Variants in PDE4B observed in about 807,000 individuals in gnomAD.
PDE4B encodes 3',5'-cyclic-AMP phosphodiesterase 4B.
Under a neutral mutation model 82.2 loss-of-function variants are expected in PDE4B, and 20 were observed. That is an observed-to-expected ratio of 0.24 (90% confidence interval 0.17 to 0.35). PDE4B has a LOEUF of 0.35. Among genes scored for constraint, PDE4B ranks in the 10% least tolerant of loss-of-function variants. PDE4B has a pLI of 1.00. For synonymous variants in PDE4B, 320 were observed against 318.9 expected (o/e 1.00, Z -0.04); for missense variants, 655 against 907.2 (o/e 0.72, Z 3.57).
intron 1 of PDE4B, among the ~76,000 whole-genome samples, chr1:65,887,380 CCTTCCTT>C (rs1241499129): frequency 1.8e-5 from 1 of 54,736 alleles, no homozygotes; most frequent in African/African-American, 7.8e-5. Flanking sequence ...TCCCTTCCTT[CCTTCCTT>C]CTTTTCTTTC....
intron 3 of PDE4B, among the ~76,000 whole-genome samples, chr1:66,081,791 G>A (rs1656741810): frequency 1.3e-5 from 2 of 149,600 alleles, no homozygotes; most frequent in Admixed American, 1.4e-4. Context: ...CATTCTACAC[G>A]GGAGTGAAAA....
At chr1:66,108,645 C>G (rs1219065362) in intron 3 of PDE4B, among the ~76,000 whole-genome samples, 1 of 151,206 alleles carries the variant, frequency 6.6e-6, no homozygotes, top group Non-Finnish European at 1.5e-5. Flanking sequence ...CTTGAAAAGA[C>G]ATACGAATGG....
rs1477965484 is a variant in PDE4B at position 66,201,953 on chromosome 1, A to G, written c.282-45507A>G. On this transcript the variant is annotated intron_variant, in intron 3 of 16. Coordinates refer to ENST00000341517, the MANE Select transcript of PDE4B (RefSeq NM_002600.4). ...ATTGTGATGTTGGGGTGTCAATTTT[A>G]GATCTTTCCTGCTTTCTCTTGTGGG... 3.9e-5 allele frequency among the ~76,000 whole-genome samples: 6 copies of G among 152,134 alleles called. No individual in the cohort carries two copies. In the East Asian group the frequency reaches 5.8e-4, roughly 15 times the overall value.
At chr1:65,968,576 C>T (rs1649974029) in intron 3 of PDE4B, among the ~76,000 whole-genome samples, 2 of 151,948 alleles carry the variant, frequency 1.3e-5, no homozygotes, top group Non-Finnish European at 2.9e-5. Context: ...AATTGCTTGT[C>T]ATCATAGAGT....
chr1:66,023,844 T>C (rs561730607), intron 3 of PDE4B, among the ~76,000 whole-genome samples: 8 of 149,256 alleles, frequency 5.4e-5, no homozygotes, highest in Non-Finnish European at 7.4e-5. Context: ...GGTAGGGTTA[T>C]TTAGGGCACT....
intron 3 of PDE4B, among the ~76,000 whole-genome samples, chr1:66,224,668 G>A (rs1323058903): frequency 3.3e-5 from 5 of 152,146 alleles, no homozygotes; most frequent in African/African-American, 7.2e-5. Context: ...GCAGTGAGCC[G>A]AGATTGTGCC....
At chr1:65,860,550 G>T (rs1262744218) in intron 1 of PDE4B, among the ~76,000 whole-genome samples, 1 of 152,118 alleles carries the variant, frequency 6.6e-6, no homozygotes, top group Non-Finnish European at 1.5e-5. Flanking sequence ...ATAATCCTTT[G>T]GGTATATACC....
chr1:66,301,339 C>G (rs910748749), intron 7 of PDE4B, among the ~76,000 whole-genome samples: 1 of 152,102 alleles, frequency 6.6e-6, no homozygotes, highest in African/African-American at 2.4e-5. Flanking sequence ...GCCTTGGAGG[C>G]TGAGTCAGAG....
intron 3 of PDE4B, among the ~76,000 whole-genome samples, chr1:65,975,352 T>C (rs1170974979): frequency 6.6e-6 from 1 of 152,202 alleles, no homozygotes; most frequent in Non-Finnish European, 1.5e-5. Context: ...TTTCTAAAAG[T>C]GTATGCTCAT....
intron 1 of PDE4B, among the ~76,000 whole-genome samples, chr1:65,813,341 A>G (rs954450037): frequency 6.6e-6 from 1 of 152,328 alleles, no homozygotes; most frequent in South Asian, 2.1e-4. Flanking sequence ...GGGGGAATTG[A>G]ATTGCCATTC....
At chr1:65,903,033 A>G (rs562155059) in intron 1 of PDE4B, among the ~76,000 whole-genome samples, 1 of 152,310 alleles carries the variant, frequency 6.6e-6, no homozygotes, top group South Asian at 2.1e-4. Flanking sequence ...TGGTATGGCA[A>G]ACATTACAAA....
At chr1:66,353,762 C>A (rs537671487) in intron 8 of PDE4B, among the ~76,000 whole-genome samples, 30 of 152,166 alleles carry the variant, frequency 2.0e-4, no homozygotes, top group Admixed American at 1.8e-3. Flanking sequence ...TCTCAACATG[C>A]CCTGGATTGC....
chr1:66,267,846 T>C (rs1033665496), intron 7 of PDE4B, among the ~76,000 whole-genome samples: 4 of 152,228 alleles, frequency 2.6e-5, no homozygotes, highest in African/African-American at 9.6e-5. Context: ...TGTTTTGTTC[T>C]TATTATCAGC....
intron 1 of PDE4B, among the ~76,000 whole-genome samples, chr1:65,831,737 C>T (rs564118909): frequency 6.6e-6 from 1 of 152,060 alleles, no homozygotes; most frequent in Non-Finnish European, 1.5e-5. Flanking sequence ...ATGGATATCT[C>T]CCAGGAACAT....
At chr1:66,012,340 G>A (rs1652532282) in intron 3 of PDE4B, among the ~76,000 whole-genome samples, 1 of 152,128 alleles carries the variant, frequency 6.6e-6, no homozygotes, top group African/African-American at 2.4e-5. Context: ...TTTCACATTT[G>A]TAATGCAGCT....
intron 3 of PDE4B, among the ~76,000 whole-genome samples, chr1:66,235,436 A>G (rs1021409727): frequency 3.3e-5 from 5 of 152,190 alleles, no homozygotes; most frequent in Non-Finnish European, 7.3e-5. Context: ...CTCTTTTATC[A>G]TTATGAAATC....
chr1:66,240,879 G>A (rs116104505), intron 3 of PDE4B, among the ~76,000 whole-genome samples: 9 of 152,148 alleles, frequency 5.9e-5, no homozygotes, highest in African/African-American at 2.2e-4. Flanking sequence ...ACTGAGGTGT[G>A]GGGGGCAGGA....
chr1:65,805,792 G>T (rs1315516639), intron 1 of PDE4B, among the ~76,000 whole-genome samples: 2 of 152,110 alleles, frequency 1.3e-5, no homozygotes, highest in Non-Finnish European at 2.9e-5. Flanking sequence ...TTCCATGTCT[G>T]TTGGCTGTCA....
At chr1:65,862,680 G>A (rs1317660930) in intron 1 of PDE4B, among the ~76,000 whole-genome samples, 1 of 151,998 alleles carries the variant, frequency 6.6e-6, no homozygotes, top group African/African-American at 2.4e-5. Flanking sequence ...GTCTGGTCCT[G>A]GACCTTTTTT....
Sources: allele counts gnomAD v4.1 joint callset (sites outside exome capture counted in the v4.1 genomes callset), GRCh38; gene constraint gnomAD v4.1.1; transcripts MANE v1.5; gene names NCBI Gene and HGNC (gene_info 2026-07-23, HGNC 2026-07-21).